DLGAP1: variants seen among roughly 807,000 people sequenced by gnomAD.
DLGAP1 encodes DLG associated protein 1.
In DLGAP1, 11 loss-of-function variants were observed where a neutral mutation model predicts 90.8. The ratio of observed to expected loss-of-function variants is 0.12; its 90% CI spans 0.08 to 0.20. The LOEUF is 0.20. DLGAP1 is among the 10% of genes least tolerant of loss of function. The pLI, the probability that DLGAP1 is intolerant of heterozygous loss-of-function variation, is 1.00. For missense variants in DLGAP1, 1,050 were observed against 1,333.8 expected (o/e 0.79, Z 3.31); for synonymous variants, 558 against 540.7 (o/e 1.03, Z -0.44).
At chr18:3,838,243 T>C (rs1421827244) in intron 4 of DLGAP1, among the ~76,000 whole-genome samples, 1 of 152,184 alleles carries the variant, frequency 6.6e-6, no homozygotes, top group Non-Finnish European at 1.5e-5. Flanking sequence ...ACTAGTCCAG[T>C]TGAGCTAAGG....
chr18:3,618,088 AT>A (rs2057945829), intron 7 of DLGAP1, among the ~76,000 whole-genome samples: 1 of 152,206 alleles, frequency 6.6e-6, no homozygotes, highest in South Asian at 2.1e-4. Flanking sequence ...GTGTGCCTGT[AT>A]TTAAACCTAT....
chr18:4,429,697 T>C (rs2083239779), intron 1 of DLGAP1, among the ~76,000 whole-genome samples: 1 of 152,218 alleles, frequency 6.6e-6, no homozygotes, highest in Non-Finnish European at 1.5e-5. Context: ...GCACTTTGCA[T>C]AGCCTGGCCT....
chr18:3,563,039 T>G (rs769996308), intron 9 of DLGAP1, among the ~76,000 whole-genome samples: 11 of 151,910 alleles, frequency 7.2e-5, no homozygotes, highest in Admixed American at 1.3e-4. Context: ...ATTGCCCAGG[T>G]TGGTCTTGAA....
At chr18:3,877,730 C>T (rs990886341) in intron 4 of DLGAP1, among the ~76,000 whole-genome samples, 1 of 152,168 alleles carries the variant, frequency 6.6e-6, no homozygotes, top group Non-Finnish European at 1.5e-5. Flanking sequence ...GTTTAACCCA[C>T]TAAGTATTTA....
In DLGAP1 at chr18:4,161,279, A is replaced by C. The variant is rs142784048; in HGVS notation, c.-266-9992T>G. Among the ~76,000 whole-genome samples, 124 of 151,938 alleles carry C rather than the reference A, an allele frequency of 8.2e-4. 2 individuals are homozygous for C. The highest frequency in any genetic ancestry group is 2.8e-3 in the African/African-American group (116 of 41,416). ...GACACCAGTGTGTGTTGTTTCCCCG[A>C]CCAACCCCACGTGTCCATGTGTTCT... On this transcript the variant is annotated intron_variant, in intron 1 of 12. Transcript: ENST00000315677.
intron 1 of DLGAP1, among the ~76,000 whole-genome samples, chr18:4,258,613 A>G (rs2078944653): frequency 6.6e-6 from 1 of 152,194 alleles, no homozygotes; most frequent in African/African-American, 2.4e-5. Flanking sequence ...GAAAAAATAT[A>G]TAATATTAAA....
At chr18:3,881,270 G>A (rs2148829795) in intron 3 of DLGAP1, among the ~76,000 whole-genome samples, 1 of 152,190 alleles carries the variant, frequency 6.6e-6, no homozygotes, top group Non-Finnish European at 1.5e-5. Context: ...GATTACAGGT[G>A]CCTGCCACCA....
intron 9 of DLGAP1, among the ~76,000 whole-genome samples, chr18:3,564,699 T>C (rs1040450679): frequency 6.6e-6 from 1 of 152,164 alleles, no homozygotes; most frequent in Non-Finnish European, 1.5e-5. Context: ...TTGTCAATAT[T>C]GAGCCTCCAA....
At chr18:3,600,189 T>C (rs910894582) in intron 7 of DLGAP1, among the ~76,000 whole-genome samples, 3 of 152,222 alleles carry the variant, frequency 2.0e-5, no homozygotes, top group African/African-American at 7.2e-5. Context: ...GAGTTCTGGA[T>C]GTTCATTAGT....
intron 1 of DLGAP1, among the ~76,000 whole-genome samples, chr18:4,291,071 T>A (rs1383733594): frequency 1.3e-5 from 2 of 152,210 alleles, no homozygotes; most frequent in East Asian, 3.8e-4. Flanking sequence ...CATACAAATA[T>A]TTCCTGTTAG....
intron 4 of DLGAP1, among the ~76,000 whole-genome samples, chr18:3,860,157 T>C (rs2069953791): frequency 6.6e-6 from 1 of 151,954 alleles, no homozygotes; most frequent in South Asian, 2.1e-4. Context: ...GGGGGCATTT[T>C]GTTATTGCAG....
chr18:4,122,164 T>C (rs746087851), intron 2 of DLGAP1, among the ~76,000 whole-genome samples: 2 of 152,164 alleles, frequency 1.3e-5, no homozygotes, highest in Non-Finnish European at 2.9e-5. Context: ...AGCAGCTCCA[T>C]AGAGAAAGTT....
intron 7 of DLGAP1, among the ~76,000 whole-genome samples, chr18:3,709,404 A>G (rs1342388611): frequency 6.6e-6 from 1 of 152,214 alleles, no homozygotes; most frequent in Non-Finnish European, 1.5e-5. Flanking sequence ...AGCTCCTTTG[A>G]TCTGATAAGC....
intron 10 of DLGAP1, among the ~76,000 whole-genome samples, chr18:3,509,940 C>T (rs1332963320): frequency 1.3e-5 from 2 of 152,178 alleles, no homozygotes; most frequent in African/African-American, 4.8e-5. Context: ...CCAGCCACAC[C>T]AAACAGCTCA....
chr18:3,840,787 G>A (rs1187054564), intron 4 of DLGAP1, among the ~76,000 whole-genome samples: 2 of 152,164 alleles, frequency 1.3e-5, no homozygotes, highest in African/African-American at 4.8e-5. Flanking sequence ...GGCACAGAAA[G>A]CTTTAGTAAT....
At chr18:3,998,896 G>A (rs981039688) in intron 3 of DLGAP1, among the ~76,000 whole-genome samples, 26 of 152,044 alleles carry the variant, frequency 1.7e-4, no homozygotes, top group Admixed American at 1.6e-3. Context: ...TGTGTTTTAC[G>A]GTCACTTGGG....
chr18:3,849,400 G>T (rs1051813815), intron 4 of DLGAP1, among the ~76,000 whole-genome samples: 1 of 152,104 alleles, frequency 6.6e-6, no homozygotes, highest in Non-Finnish European at 1.5e-5. Context: ...AATAGGATGA[G>T]TATGAGGGGT....
intron 7 of DLGAP1, among the ~76,000 whole-genome samples, chr18:3,681,767 C>T (rs389314): frequency 0.58 from 88,857 of 151,900 alleles, 27,371 homozygotes; most frequent in African/African-American, 0.78. Flanking sequence ...TCGTGAATAG[C>T]TTAGCACTAT....
At chr18:4,297,404 A>C (rs1379768102) in intron 1 of DLGAP1, among the ~76,000 whole-genome samples, 4 of 152,214 alleles carry the variant, frequency 2.6e-5, no homozygotes, top group African/African-American at 9.7e-5. Flanking sequence ...AAAATCAACA[A>C]AACTTTATGC....
Sources: allele counts gnomAD v4.1 joint callset (sites outside exome capture counted in the v4.1 genomes callset), GRCh38; gene constraint gnomAD v4.1.1; transcripts MANE v1.5; gene names NCBI Gene and HGNC (gene_info 2026-07-23, HGNC 2026-07-21).